PIP5K1B: variants seen among roughly 807,000 people sequenced by gnomAD.
The protein encoded by PIP5K1B is phosphatidylinositol-4-phosphate 5-kinase type 1 beta.
In PIP5K1B, 42 loss-of-function variants were observed where a neutral mutation model predicts 67.0. The observed-to-expected ratio is 0.63, with a 90% CI of 0.49 to 0.81. PIP5K1B has a LOEUF of 0.81. PIP5K1B is among the 30% of genes least tolerant of loss of function. The pLI is 0.00. For synonymous variants in PIP5K1B, 214 were observed against 231.4 expected (o/e 0.92, Z 0.68); for missense variants, 459 against 646.3 (o/e 0.71, Z 3.14).
intron 2 of PIP5K1B, among the ~76,000 whole-genome samples, chr9:68,755,893 C>T (rs1587395245): frequency 2.0e-5 from 3 of 152,182 alleles, no homozygotes; most frequent in Admixed American, 2.0e-4. Context: ...AAAAACAATG[C>T]TTAGATCATC....
chr9:68,913,479 A>G (rs1019436524), intron 8 of PIP5K1B, among the ~76,000 whole-genome samples: 2 of 152,254 alleles, frequency 1.3e-5, no homozygotes, highest in African/African-American at 4.8e-5. Context: ...CTGGGATGAT[A>G]TGAGTAACGG....
chr9:68,837,142 C>G (rs1431452086), intron 4 of PIP5K1B, among the ~76,000 whole-genome samples: 1 of 152,226 alleles, frequency 6.6e-6, no homozygotes, highest in Non-Finnish European at 1.5e-5. Context: ...GCCTGTCTCC[C>G]CACATGTTCT....
intron 5 of PIP5K1B, among the ~76,000 whole-genome samples, chr9:68,866,434 TATA>T (rs1320827844): frequency 6.6e-6 from 1 of 152,018 alleles, no homozygotes; most frequent in Non-Finnish European, 1.5e-5. Flanking sequence ...TATACACTCA[TATA>T]ATATATATCT....
At chr9:68,834,464 A>C (rs1428500231) in intron 4 of PIP5K1B, among the ~76,000 whole-genome samples, 1 of 152,180 alleles carries the variant, frequency 6.6e-6, no homozygotes, top group Non-Finnish European at 1.5e-5. Context: ...AATTGTTGGC[A>C]GTTATGTCCT....
intron 4 of PIP5K1B, among the ~76,000 whole-genome samples, chr9:68,844,581 A>G (rs1258194415): frequency 1.3e-5 from 2 of 151,040 alleles, no homozygotes; most frequent in South Asian, 2.1e-4. Flanking sequence ...GCCAGATCCA[A>G]TGGGGGAGAT....
chr9:68,899,861 A>G (rs900502266), intron 8 of PIP5K1B, among the ~76,000 whole-genome samples: 4 of 152,216 alleles, frequency 2.6e-5, no homozygotes, highest in African/African-American at 9.7e-5. Context: ...TTCATCACTC[A>G]GGTAATAAGC....
At chr9:68,850,774 A>G (rs185343784) in intron 4 of PIP5K1B, among the ~76,000 whole-genome samples, 71 of 152,340 alleles carry the variant, frequency 4.7e-4, no homozygotes, top group African/African-American at 1.6e-3. Context: ...TTGAATCTAA[A>G]TTGATATTTA....
At chr9:68,778,005 T>C (rs1470238340) in intron 2 of PIP5K1B, among the ~76,000 whole-genome samples, 2 of 152,226 alleles carry the variant, frequency 1.3e-5, no homozygotes, top group Non-Finnish European at 2.9e-5. Flanking sequence ...GTTCTGTTGT[T>C]GCCTTGTCTC....
At chr9:69,007,855 TAAA>T (rs531814873) in intron 15 of PIP5K1B, among the ~76,000 whole-genome samples, 1 of 141,532 alleles carries the variant, frequency 7.1e-6, no homozygotes. Context: ...AGACTCCATC[TAAA>T]AAAAAAAAAA....
intron 14 of PIP5K1B, among the ~76,000 whole-genome samples, chr9:68,982,961 G>T (rs902212494): frequency 6.6e-6 from 1 of 152,068 alleles, no homozygotes; most frequent in Non-Finnish European, 1.5e-5. Context: ...ATAGGTTCTT[G>T]AGCCTAGGTA....
chr9:68,768,826 G>T (rs920799907), intron 2 of PIP5K1B, among the ~76,000 whole-genome samples: 5 of 152,170 alleles, frequency 3.3e-5, no homozygotes, highest in Non-Finnish European at 5.9e-5. Context: ...AAGTGCAAAT[G>T]CTCTATTCTC....
chr9:68,716,946 A>C (rs1054664890), intron 1 of PIP5K1B, among the ~76,000 whole-genome samples: 1 of 152,216 alleles, frequency 6.6e-6, no homozygotes, highest in African/African-American at 2.4e-5. Flanking sequence ...AGCATAATGG[A>C]TGCACCTGGA....
chr9:68,852,834 A>G (rs999458980), intron 4 of PIP5K1B, among the ~76,000 whole-genome samples: 1 of 152,230 alleles, frequency 6.6e-6, no homozygotes, highest in African/African-American at 2.4e-5. Flanking sequence ...GTGGATTATC[A>G]TTCAGAGACA....
At chr9:68,777,088 A>G (rs571854424) in intron 2 of PIP5K1B, among the ~76,000 whole-genome samples, 5 of 152,312 alleles carry the variant, frequency 3.3e-5, no homozygotes, top group Admixed American at 2.6e-4. Flanking sequence ...GGCACTCTAA[A>G]TAATAATAAT....
chr9:68,884,265 TC>T (rs1486402131), intron 6 of PIP5K1B, among the ~76,000 whole-genome samples: 1 of 150,056 alleles, frequency 6.7e-6, no homozygotes, highest in African/African-American at 2.5e-5. Context: ...AGGGTTGATA[TC>T]CAAAATAAAT....
At chr9:68,971,910 C>CAA (rs1829391651) in intron 14 of PIP5K1B, among the ~76,000 whole-genome samples, 1 of 152,144 alleles carries the variant, frequency 6.6e-6, no homozygotes, top group Admixed American at 6.5e-5. Flanking sequence ...GGATAGATTG[C>CAA]AAAAATTTTC....
intron 2 of PIP5K1B, among the ~76,000 whole-genome samples, chr9:68,755,129 C>T (rs1829860193): frequency 6.6e-6 from 1 of 152,160 alleles, no homozygotes; most frequent in Non-Finnish European, 1.5e-5. Context: ...AATGTAAAGC[C>T]TTTATTTTTC....
intron 4 of PIP5K1B, among the ~76,000 whole-genome samples, chr9:68,850,289 C>G (rs750919947): frequency 1.3e-5 from 2 of 152,196 alleles, no homozygotes; most frequent in African/African-American, 2.4e-5. Flanking sequence ...TGTGATGATA[C>G]CTACCTAAAA....
At position 69,008,722 on chromosome 9, in the gene PIP5K1B, C is replaced by G; in HGVS notation, c.*273C>G. The G allele has an allele frequency of 4.9e-6, 2 of 407,220 alleles. No individual in the cohort carries two copies. Among genetic ancestry groups the G allele is most frequent in the Admixed American group, 7.3e-5 (2 of 27,498 alleles). The allele number at this position is 407,220 out of a possible 1,614,324, so 25.2% of individuals were successfully genotyped here. A position where few individuals can be genotyped will look rare whatever the true frequency, so the allele number is the denominator to read the frequency against. The stretch of plus-strand genomic sequence containing the variant: ...ATTTAAGCTGCTTTCTGTACCATTG[C>G]CAATCACCTTTTTGGAGTTGGAAGT... On this transcript the variant is annotated 3_prime_UTR_variant, in exon 16 of 16. Coordinates refer to ENST00000265382, the MANE Select transcript of PIP5K1B (RefSeq NM_003558.4).
Sources: gnomAD v4.1 joint callset for allele counts (sites outside exome capture counted in the v4.1 genomes callset) on GRCh38, gnomAD v4.1.1 for gene constraint, MANE v1.5 for transcripts, NCBI Gene and HGNC (gene_info 2026-07-23, HGNC 2026-07-21) for gene names.